Variants in PUM1 observed in about 807,000 individuals in gnomAD.
PUM1 encodes the protein pumilio RNA binding family member 1.
PUM1 carries 13 observed loss-of-function variants against 131.8 expected under a neutral mutation model. That is an observed-to-expected ratio of 0.10 (90% confidence interval 0.06 to 0.16). The LOEUF (loss-of-function observed/expected upper bound fraction) is 0.16, where lower values mean the gene tolerates loss of function less well. PUM1 is among the 10% of genes least tolerant of loss of function. The pLI is 1.00. For synonymous variants in PUM1, 509 were observed against 556.5 expected, an observed-to-expected ratio of 0.91 and a Z score of 1.20; for missense variants, 961 against 1,512.4, an observed-to-expected ratio of 0.64 and a Z score of 6.05.
rs186665164 is a variant in PUM1, at chr1:31,015,778, T to A, written c.433-8676A>T. Among the ~76,000 whole-genome samples, 339 of 151,228 alleles carry A rather than the reference T, an allele frequency of 2.2e-3. 1 individual carries two copies. Among genetic ancestry groups the A allele is most frequent in the African/African-American group, 8.0e-3 (328 of 41,202 alleles). On this transcript the variant is annotated intron_variant, in intron 3 of 21. Transcript: ENST00000426105. ...AACCTCCGCCTCCTGGGTTCAAGCA[T>A]TTCTCCTGCCTCAGCCTCCGGAGTA...
intron 3 of PUM1, among the ~76,000 whole-genome samples, chr1:31,021,373 C>T (rs1050870776): frequency 6.6e-6 from 1 of 152,054 alleles, no homozygotes; most frequent in Admixed American, 6.6e-5. Context: ...GAACTGAGCT[C>T]CCTTGGGGGA....
At chr1:30,986,703 C>T (rs1641573914) in intron 7 of PUM1, among the ~76,000 whole-genome samples, 1 of 152,048 alleles carries the variant, frequency 6.6e-6, no homozygotes, top group Admixed American at 6.6e-5. Context: ...AAAACTTCAC[C>T]ATAAGTAAAA....
At chr1:31,059,164 T>C (rs1387672880) in intron 2 of PUM1, 40 bp downstream of exon 2, 5 of 1,522,996 alleles carry the variant, frequency 3.3e-6, no homozygotes, top group African/African-American at 1.4e-5. Flanking sequence ...ACAGTGATTA[T>C]AAAGGAATGT....
chr1:31,061,347 G>A (rs1199160190), intron 1 of PUM1, among the ~76,000 whole-genome samples: 1 of 152,156 alleles, frequency 6.6e-6, no homozygotes, highest in Non-Finnish European at 1.5e-5. Flanking sequence ...GTTGGGCACG[G>A]TGGCTCATGC....
At chr1:30,998,286 T>C (rs1475479416) in intron 5 of PUM1, among the ~76,000 whole-genome samples, 1 of 152,160 alleles carries the variant, frequency 6.6e-6, no homozygotes, top group African/African-American at 2.4e-5. Flanking sequence ...GAAGTCTGAC[T>C]TCTGAGTAAA....
chr1:30,934,598 ACT>A (rs1158461934), intron 21 of PUM1, among the ~76,000 whole-genome samples: 1 of 151,782 alleles, frequency 6.6e-6, no homozygotes, highest in East Asian at 1.9e-4. Context: ...CCTCCCTTAA[ACT>A]CACCTGTAAA....
In PUM1 at chr1:30,950,276, T is replaced by G; in HGVS notation, c.2722-15A>C. On this transcript the variant is annotated splice_polypyrimidine_tract_variant and intron_variant, in intron 16 of 21. Transcript: ENST00000426105. ...AGACTGCCAAACTAGACATAATGTG[T>G]GGGTAAACACCATTACTTAAGTAGA... 1 of 1,610,658 alleles carries G rather than the reference T, an allele frequency of 6.2e-7. No individual in the cohort carries two copies.
chr1:30,998,573 G>A (rs966992412), intron 5 of PUM1, among the ~76,000 whole-genome samples: 1 of 152,180 alleles, frequency 6.6e-6, no homozygotes, highest in Admixed American at 6.5e-5. Flanking sequence ...GAGCTCAGGG[G>A]TTCAAAGCTG....
chr1:31,053,803 T>TATA (rs1644169503), intron 2 of PUM1, among the ~76,000 whole-genome samples: 1 of 151,260 alleles, frequency 6.6e-6, no homozygotes, highest in Non-Finnish European at 1.5e-5. Flanking sequence ...TTAATGTAAG[T>TATA]ATACAAGTGG....
chr1:30,989,059 T>G (rs2124480965), intron 7 of PUM1, among the ~76,000 whole-genome samples: 1 of 152,214 alleles, frequency 6.6e-6, no homozygotes, highest in South Asian at 2.1e-4. Flanking sequence ...ATTAAGTAAT[T>G]CCTGCTTTAA....
chr1:31,025,027 T>A (rs957261416), intron 3 of PUM1, among the ~76,000 whole-genome samples: 2 of 152,248 alleles, frequency 1.3e-5, no homozygotes, highest in African/African-American at 4.8e-5. Context: ...TGAAAGGGGC[T>A]AACAAGGAAA....
Position 30,952,340 on chromosome 1 carries a change from C to T in PUM1, c.2615G>A (p.Arg872His), listed in dbSNP as rs774796938. The T allele has an allele frequency of 1.2e-6, 2 of 1,613,404 alleles. No individual in the cohort carries two copies. The highest frequency in any genetic ancestry group is 1.7e-6 in the Non-Finnish European group (2 of 1,179,380). The change falls in exon 16 of 22, where the codon CGT becomes CAT. Residue 872 changes from arginine (R) to histidine (H), a missense_variant. This residue lies in a region of PUM1 where 117 missense variants were observed against 200.7 expected (regional missense o/e 0.58). Transcript: ENST00000426105. ...GSRFIQLKLE[R>H]ATPAERQLVF... ...AAGCTGGCGCTCAGCTGGTGTGGCACGCTCCAGTTTCAGCTGAATGAATCT... is the reference window on the plus strand; with the variant it reads ...AAGCTGGCGCTCAGCTGGTGTGGCATGCTCCAGTTTCAGCTGAATGAATCT...
chr1:30,975,360 T>TG (rs968523650), intron 9 of PUM1, among the ~76,000 whole-genome samples: 24 of 150,862 alleles, frequency 1.6e-4, no homozygotes, highest in African/African-American at 5.1e-4. Context: ...TTTTTTGTTT[T>TG]TTTGTTTTTT....
intron 14 of PUM1, 121 bp downstream of exon 14, chr1:30,964,553 A>G (rs1640546793): frequency 1.2e-6 from 1 of 841,478 alleles, no homozygotes; most frequent in African/African-American, 1.7e-5. Flanking sequence ...CGGAAGGCAC[A>G]GAACACCCAG....
chr1:30,990,110 A>G (rs969733967), intron 7 of PUM1, among the ~76,000 whole-genome samples: 2 of 152,274 alleles, frequency 1.3e-5, no homozygotes, highest in African/African-American at 4.8e-5. Context: ...AGTAGCCTCC[A>G]GACCTCCTGA....
At position 31,065,674 on chromosome 1, in the gene PUM1, C is replaced by G. The variant is rs1412556062; in HGVS notation, c.-70G>C. On this transcript the variant is annotated 5_prime_UTR_variant, in exon 1 of 22. Coordinates refer to ENST00000426105, the MANE Select transcript of PUM1 (RefSeq NM_001020658.2). ...CCCCCGATCTTCTCTCTCTGGCGCT[C>G]TCGCTCCCCCTTACCTTTCACTCCG... 1.3e-6 allele frequency: 2 copies of G among 1,549,836 alleles called. No homozygotes were observed. Among genetic ancestry groups the G allele is most frequent in the Non-Finnish European group, 1.7e-6 (2 of 1,146,906 alleles).
intron 5 of PUM1, 79 bp from the exon 6 acceptor site, chr1:30,995,299 ACTAGATG>A (rs1402666052): frequency 7.0e-7 from 1 of 1,422,720 alleles, no homozygotes; most frequent in African/African-American, 1.4e-5. Flanking sequence ...ACCAGACTAC[ACTAGATG>A]CTACTCAGAA....
intron 2 of PUM1, among the ~76,000 whole-genome samples, chr1:31,057,433 A>G (rs1370710099): frequency 2.7e-5 from 4 of 148,814 alleles, no homozygotes. Context: ...GAAAAAGAAA[A>G]AAAAAAAAGG....
chr1:31,005,202 C>T (rs1642356608), intron 5 of PUM1, among the ~76,000 whole-genome samples: 1 of 152,030 alleles, frequency 6.6e-6, no homozygotes, highest in Admixed American at 6.6e-5. Flanking sequence ...ATGCTTAAGA[C>T]TTAAAAAGAA....
Sources: gnomAD v4.1 joint callset for allele counts (sites outside exome capture counted in the v4.1 genomes callset) on GRCh38, gnomAD v4.1.1 for gene constraint, gnomAD v4.1.1 regional missense constraint, MANE v1.5 for transcripts, NCBI Gene and HGNC (gene_info 2026-07-23, HGNC 2026-07-21) for gene names.